The following CAMKMT variants were observed in gnomAD, a reference collection of about 807,000 sequenced individuals.
CAMKMT encodes CaM KMT.
Under a neutral mutation model 48.0 loss-of-function variants are expected in CAMKMT, and 53 were observed. The observed-to-expected ratio is 1.10, with a 90% confidence interval of 0.89 to 1.39. The LOEUF (loss-of-function observed/expected upper bound fraction) is 1.39. Among genes scored for constraint, CAMKMT ranks in the 40% most tolerant of loss-of-function variants. The pLI is 0.00. For synonymous variants in CAMKMT, 165 were observed against 152.3 expected (o/e 1.08, Z -0.61); for missense variants, 428 against 402.7 (o/e 1.06, Z -0.54).
chr2:44,522,207 G>A (rs1263544868), intron 3 of CAMKMT, among the ~76,000 whole-genome samples: 2 of 151,858 alleles, frequency 1.3e-5, no homozygotes, highest in African/African-American at 2.4e-5. Flanking sequence ...GGGTTTCACT[G>A]TATTAGCCGG....
intron 3 of CAMKMT, among the ~76,000 whole-genome samples, chr2:44,439,702 G>A (rs1026129280): frequency 9.9e-5 from 15 of 152,000 alleles, no homozygotes; most frequent in African/African-American, 3.1e-4. Flanking sequence ...GCCGGGCGTC[G>A]TGGCGGGCGC....
At chr2:44,393,191 C>T (rs980485077) in intron 3 of CAMKMT, 6 of 152,030 alleles carry the variant, frequency 3.9e-5, no homozygotes, top group East Asian at 1.9e-4. Context: ...AGTGAAAAGA[C>T]GTGGAAAAAT....
At chr2:44,584,689 G>A (rs1205232112) in intron 3 of CAMKMT, among the ~76,000 whole-genome samples, 3 of 152,118 alleles carry the variant, frequency 2.0e-5, no homozygotes, top group Non-Finnish European at 4.4e-5. Context: ...TAGAAGATAA[G>A]CAAGATGGAG....
intron 3 of CAMKMT, among the ~76,000 whole-genome samples, chr2:44,565,533 A>G (rs186622756): frequency 8.6e-4 from 131 of 152,308 alleles, no homozygotes; most frequent in Admixed American, 3.1e-3. Flanking sequence ...AAAAAGCAAG[A>G]AAAAACTTCA....
At chr2:44,726,930 G>C (rs76599690) in intron 7 of CAMKMT, among the ~76,000 whole-genome samples, 1 of 152,096 alleles carries the variant, frequency 6.6e-6, no homozygotes, top group Non-Finnish European at 1.5e-5. Context: ...ATGGTTGCAA[G>C]TGTGCGGCTT....
At chr2:44,633,008 T>C (rs1416505846) in intron 3 of CAMKMT, among the ~76,000 whole-genome samples, 1 of 152,180 alleles carries the variant, frequency 6.6e-6, no homozygotes, top group Admixed American at 6.6e-5. Flanking sequence ...CTATTAGTTC[T>C]TTCCCTCTAG....
intron 3 of CAMKMT, chr2:44,456,632 T>C (rs1667578187): frequency 2.6e-6 from 4 of 1,547,214 alleles, no homozygotes; most frequent in Admixed American, 2.0e-5. Flanking sequence ...TTTGTTTAAA[T>C]GGTAAATATG....
chr2:44,654,950 C>G (rs561745511), intron 3 of CAMKMT, among the ~76,000 whole-genome samples: 7 of 152,294 alleles, frequency 4.6e-5, no homozygotes, highest in African/African-American at 1.2e-4. Flanking sequence ...TAACTAACCC[C>G]TTGCATTTGG....
At chr2:44,628,714 G>T (rs913878995) in intron 3 of CAMKMT, among the ~76,000 whole-genome samples, 1 of 151,878 alleles carries the variant, frequency 6.6e-6, no homozygotes, top group Non-Finnish European at 1.5e-5. Flanking sequence ...ATTTTGATAT[G>T]CTATATTTTA....
chr2:44,524,854 C>T (rs984457945), intron 3 of CAMKMT, among the ~76,000 whole-genome samples: 1 of 152,040 alleles, frequency 6.6e-6, no homozygotes, highest in African/African-American at 2.4e-5. Context: ...ATGGTTAAAT[C>T]ATTGAATGGC....
At chr2:44,492,889 C>CTTTTTTTTTTTTTTTTTTTTTTT (rs11400501) in intron 3 of CAMKMT, among the ~76,000 whole-genome samples, 1 of 142,858 alleles carries the variant, frequency 7.0e-6, no homozygotes, top group Non-Finnish European at 1.5e-5. Flanking sequence ...CATATTGTAT[C>CTTTTTTTTTTTTTTTTTTTTTTT]TTTTTTTTTT....
chr2:44,582,731 A>C (rs1222645740), intron 3 of CAMKMT, among the ~76,000 whole-genome samples: 1 of 152,198 alleles, frequency 6.6e-6, no homozygotes, highest in Non-Finnish European at 1.5e-5. Flanking sequence ...GGTGGAGTAC[A>C]TGAAAGTTAC....
At chr2:44,587,871 C>T (rs1448659107) in intron 3 of CAMKMT, among the ~76,000 whole-genome samples, 1 of 124,930 alleles carries the variant, frequency 8.0e-6, no homozygotes, top group East Asian at 2.1e-4. Flanking sequence ...CCCAAAGTGC[C>T]GAGATTGCAG....
intron 3 of CAMKMT, among the ~76,000 whole-genome samples, chr2:44,428,392 G>A (rs1046094918): frequency 5.9e-5 from 9 of 152,088 alleles, no homozygotes; most frequent in Admixed American, 5.2e-4. Context: ...TTCCTTCTCT[G>A]TTGTGCTGCC....
chr2:44,699,779 G>A (rs1677161069), intron 3 of CAMKMT, among the ~76,000 whole-genome samples: 1 of 152,066 alleles, frequency 6.6e-6, no homozygotes, highest in Non-Finnish European at 1.5e-5. Context: ...GCTAGACTTA[G>A]CATAATTCTT....
At chr2:44,596,421 G>C (rs1246139310) in intron 3 of CAMKMT, among the ~76,000 whole-genome samples, 1 of 151,628 alleles carries the variant, frequency 6.6e-6, no homozygotes, top group African/African-American at 2.4e-5. Flanking sequence ...TGCACTCCAG[G>C]CTGGGTAACA....
intron 3 of CAMKMT, among the ~76,000 whole-genome samples, chr2:44,392,955 G>T (rs1438011869): frequency 6.6e-6 from 1 of 151,914 alleles, no homozygotes; most frequent in Non-Finnish European, 1.5e-5. Context: ...TTTGTTTCTA[G>T]GTTAATAATG....
intron 3 of CAMKMT, among the ~76,000 whole-genome samples, chr2:44,692,380 A>G (rs540030462): frequency 6.6e-6 from 1 of 152,286 alleles, no homozygotes; most frequent in African/African-American, 2.4e-5. Flanking sequence ...CAAATGAGAG[A>G]AGTGAGGCAT....
intron 3 of CAMKMT, among the ~76,000 whole-genome samples, chr2:44,697,316 G>C (rs1369082793): frequency 1.3e-5 from 2 of 152,090 alleles, no homozygotes; most frequent in Non-Finnish European, 2.9e-5. Flanking sequence ...GGAAACAAGA[G>C]ATGGAACCCA....
Sources: gnomAD v4.1 joint callset for allele counts (sites outside exome capture counted in the v4.1 genomes callset) on GRCh38, gnomAD v4.1.1 for gene constraint, MANE v1.5 for transcripts, NCBI Gene and HGNC (gene_info 2026-07-23, HGNC 2026-07-21) for gene names.